The following LARP4B variants were observed in gnomAD, a reference collection of about 807,000 sequenced individuals.
LARP4B encodes La ribonucleoprotein 4B, also known as la-related protein 4B.
LARP4B carries 12 observed loss-of-function variants against 89.8 expected under a neutral mutation model. That is an observed-to-expected ratio of 0.13 (90% CI 0.09 to 0.22). The LOEUF (loss-of-function observed/expected upper bound fraction) is 0.22, where lower values mean the gene tolerates loss of function less well. LARP4B is among the 10% of genes least tolerant of loss of function. The pLI, the probability that LARP4B is intolerant of heterozygous loss-of-function variation, is 1.00. For synonymous variants in LARP4B, 367 were observed against 363.3 expected (o/e 1.01, Z -0.12); for missense variants, 757 against 947.7 (o/e 0.80, Z 2.64).
rs1163571172 is a variant in LARP4B at position 814,394 on chromosome 10, T to TGCGC, written c.1929+344_1929+347dup. 11 of 365,688 alleles carry TGCGC rather than the reference T, an allele frequency of 3.0e-5. No homozygotes were observed. Among genetic ancestry groups the TGCGC allele is most frequent in the East Asian group, 1.5e-4 (2 of 13,082 alleles). 22.7% of individuals were successfully genotyped at this position (365,688 alleles called of 1,614,324 possible). Reference sequence around the variant, plus strand: ...TCCTGTCTCTTCATCAGACACACGATGCGCGCGCACGCACGCAAACATACA... The same window carrying TGCGC: ...TCCTGTCTCTTCATCAGACACACGATGCGCGCGCGCGCACGCACGCAAACATACA... On this transcript the variant is annotated intron_variant, in intron 17 of 17. Transcript: ENST00000316157. This position sits in a 1 kb window ranked among gnomAD's most constrained non-coding sequence, Gnocchi z 4.4.
intron 5 of LARP4B, among the ~76,000 whole-genome samples, chr10:852,554 T>G (rs1834110675): frequency 6.6e-6 from 1 of 152,208 alleles, no homozygotes; most frequent in African/African-American, 2.4e-5. Context: ...GTGCCTCTTG[T>G]AAGACCAGAG....
intron 1 of LARP4B, among the ~76,000 whole-genome samples, chr10:911,473 TATG>T (rs1452108122): frequency 2.0e-5 from 3 of 152,218 alleles, no homozygotes; most frequent in Non-Finnish European, 2.9e-5. Context: ...GTCTTGTTGG[TATG>T]ATTTTTGTGG....
chr10:871,119 T>C (rs1835179054), intron 3 of LARP4B, among the ~76,000 whole-genome samples: 1 of 152,254 alleles, frequency 6.6e-6, no homozygotes, highest in Non-Finnish European at 1.5e-5. Context: ...CTTGTCTCAC[T>C]ATACTTTGCT....
chr10:833,861 C>T (rs185410702), intron 8 of LARP4B, among the ~76,000 whole-genome samples: 1 of 149,584 alleles, frequency 6.7e-6, no homozygotes, highest in African/African-American at 2.5e-5. Context: ...TGCACTCCAG[C>T]CTGGCAACAG....
chr10:924,732 G>A (rs1299773045), intron 1 of LARP4B, among the ~76,000 whole-genome samples: 1 of 152,124 alleles, frequency 6.6e-6, no homozygotes, highest in Non-Finnish European at 1.5e-5. Context: ...ACAACCTCAG[G>A]GAAGCCTTCT....
rs1206590037 is a variant in LARP4B at position 924,367 on chromosome 10, G to GA, written c.-40+7060dup. 3 of 152,338 alleles carry GA rather than the reference G, an allele frequency of 2.0e-5. No individual in the cohort carries two copies. The East Asian group carries it at 5.8e-4, about 29-fold the overall frequency. The allele number at this position is 152,338 out of a possible 1,614,324, so 9.4% of individuals were successfully genotyped here. A position where few individuals can be genotyped will look rare whatever the true frequency, so the allele number is the denominator to read the frequency against. On this transcript the variant is annotated intron_variant, in intron 1 of 17. Transcript: ENST00000316157. ...CTATGAAGAGAGGTGTACACAAGAA[G>GA]AAAGAGATTCCCTACCTTGCCGCCC...
chr10:897,052 A>G (rs188746529), intron 1 of LARP4B, among the ~76,000 whole-genome samples: 1 of 150,764 alleles, frequency 6.6e-6, no homozygotes, highest in African/African-American at 2.4e-5. Flanking sequence ...ATGGAAATGC[A>G]AGGGACCCAG....
intron 3 of LARP4B, among the ~76,000 whole-genome samples, chr10:868,357 G>A (rs1001924123): frequency 1.4e-5 from 2 of 145,148 alleles, no homozygotes; most frequent in African/African-American, 5.1e-5. Flanking sequence ...TGGAGTAATA[G>A]CTGCTATATT....
At chr10:944,835 G>C in the LARP4B span, among the ~76,000 whole-genome samples, 5 of 152,054 alleles carry the variant, frequency 3.3e-5, no homozygotes, top group Non-Finnish European at 5.9e-5. Context: ...GCTCAAGTCG[G>C]CGTCTAAAGG....
intron 3 of LARP4B, among the ~76,000 whole-genome samples, chr10:883,655 C>G (rs550669947): frequency 8.7e-5 from 13 of 149,980 alleles, no homozygotes; most frequent in African/African-American, 2.2e-4. Context: ...ACAAGCTGGC[C>G]AGGCATGGTG....
the LARP4B span, chr10:942,736 T>A: frequency 6.6e-6 from 1 of 152,214 alleles, no homozygotes; most frequent in East Asian, 1.9e-4. Flanking sequence ...TATGGAAAAT[T>A]CTGATAATTT....
intron 9 of LARP4B, 57 bp downstream of exon 9, chr10:830,810 T>A: frequency 2.6e-6 from 2 of 776,708 alleles, no homozygotes; most frequent in Non-Finnish European, 4.5e-6. Context: ...CAACATGCAC[T>A]AATAGTAAAA....
Position 814,655 on chromosome 10 carries a change from A to C in LARP4B, c.1929+87T>G. ...AACCCACCAAATTAGATGTGATTAA[A>C]AAACGAGCAGGTGCAGGAGTGCGCA... On this transcript the variant is annotated intron_variant, in intron 17 of 17. Transcript: ENST00000316157. The surrounding 1 kb of genome is among the most constrained non-coding windows in gnomAD (Gnocchi z 4.4). The C allele has an allele frequency of 6.4e-7, 1 of 1,551,522 alleles. No homozygotes were observed. The highest frequency in any genetic ancestry group is 1.2e-5 in the South Asian group (1 of 83,658).
At chr10:925,646 G>A (rs1017027647) in intron 1 of LARP4B, among the ~76,000 whole-genome samples, 1 of 151,952 alleles carries the variant, frequency 6.6e-6, no homozygotes, top group Admixed American at 6.6e-5. Flanking sequence ...CAATTCTCCC[G>A]CCTCAGCCTC....
the LARP4B span, among the ~76,000 whole-genome samples, chr10:942,904 CCTCA>C: frequency 6.6e-6 from 1 of 152,092 alleles, no homozygotes; most frequent in East Asian, 1.9e-4. Flanking sequence ...GGCCCTCCAG[CCTCA>C]CTCCAGCTTT....
chr10:862,109 T>C (rs146831522), intron 5 of LARP4B, among the ~76,000 whole-genome samples: 4 of 152,254 alleles, frequency 2.6e-5, no homozygotes, highest in African/African-American at 9.6e-5. Context: ...AGAAAACTGC[T>C]CATGTAGACG....
intron 1 of LARP4B, among the ~76,000 whole-genome samples, chr10:923,016 A>G (rs1837028591): frequency 6.6e-6 from 1 of 152,114 alleles, no homozygotes; most frequent in Admixed American, 6.5e-5. Context: ...CAGAACTTCC[A>G]GTGAGCGGAG....
intron 1 of LARP4B, among the ~76,000 whole-genome samples, chr10:889,276 G>C (rs1412747307): frequency 6.6e-6 from 1 of 152,034 alleles, no homozygotes; most frequent in Non-Finnish European, 1.5e-5. Flanking sequence ...GCTTATTCCA[G>C]TTCAGGGTAA....
chr10:812,755 T>C lies in LARP4B; in HGVS notation c.*171A>G. 1 of 466,562 alleles carries C rather than the reference T, an allele frequency of 2.1e-6. No homozygotes were observed. Among genetic ancestry groups the C allele is most frequent in the East Asian group, 3.5e-5 (1 of 28,550 alleles). The allele number at this position is 466,562 out of a possible 1,614,324, so 28.9% of individuals were successfully genotyped here. On this transcript the variant is annotated 3_prime_UTR_variant, in exon 18 of 18. Coordinates refer to ENST00000316157, the MANE Select transcript of LARP4B (RefSeq NM_015155.3). ...TATTAATTAAATCCTGAAAAATCGA[T>C]TTTTTTTCAAGAGGGGGAGAATCCA...
Sources: gnomAD v4.1 joint callset for allele counts (sites outside exome capture counted in the v4.1 genomes callset) on GRCh38, gnomAD v4.1.1 for gene constraint, Gnocchi (gnomAD v3.1) non-coding constraint, MANE v1.5 for transcripts, NCBI Gene and HGNC (gene_info 2026-07-23, HGNC 2026-07-21) for gene names.